Variants in USF3 observed in about 807,000 individuals in gnomAD.
USF3 encodes the protein upstream transcription factor family member 3, also known as basic helix-loop-helix domain-containing protein USF3.
A neutral mutation model predicts 157.5 loss-of-function variants in USF3; 29 were observed. That is an observed-to-expected ratio of 0.18 (90% CI 0.14 to 0.25). USF3 has a LOEUF of 0.25. USF3 is among the 10% of genes least tolerant of loss of function. The probability of loss-of-function intolerance (pLI) is 1.00; values close to 1 mark genes in which losing one functional copy is unlikely to be tolerated. For synonymous variants in USF3, 893 were observed against 941.4 expected (o/e 0.95, Z 0.94); for missense variants, 2,381 against 2,667.6 (o/e 0.89, Z 2.37).
chr3:113,665,769 T>C (rs1947555740), intron 5 of USF3, among the ~76,000 whole-genome samples: 1 of 152,146 alleles, frequency 6.6e-6, no homozygotes, highest in Non-Finnish European at 1.5e-5. Flanking sequence ...CAGAGATTGC[T>C]GTGAAGTGAG....
rs758941004 is a variant in USF3, at chr3:113,660,958, A to G, written c.724T>C (p.Ser242Pro). Residue 242 changes from serine to proline, a missense_variant, in exon 7 of 7, where the codon TCT becomes CCT. Around this residue, in one of 6 missense-constraint regions of USF3, gnomAD observed 1,435 missense variants for 1,550.9 expected, o/e 0.93. Coordinates refer to ENST00000316407, the MANE Select transcript of USF3 (RefSeq NM_001009899.4). Reference sequence around the variant, plus strand: ...CCAAGCACATTTGATTCGCTTTCAGAGGTGGGAAGCTCGAGAATACTCTGA... The same window carrying G: ...CCAAGCACATTTGATTCGCTTTCAGGGGTGGGAAGCTCGAGAATACTCTGA... ...SAQSILELPTSESESNVLGAT... is the reference protein window; with the variant it reads ...SAQSILELPTPESESNVLGAT... The G allele has an allele frequency of 6.2e-7, 1 of 1,614,172 alleles. No homozygotes were observed. Among genetic ancestry groups the G allele is most frequent in the South Asian group, 1.1e-5 (1 of 91,078 alleles).
rs1295891065 is a variant in USF3, at chr3:113,650,930, G to A, written c.*4014C>T. ...AGGTGCCATCTCTGGTACCGCAAAA[G>A]GTCTTACAATAAAAACAAAAATAAA... On this transcript the variant is annotated 3_prime_UTR_variant, in exon 7 of 7. Transcript: ENST00000316407. 1 of 151,814 alleles carries A rather than the reference G, an allele frequency of 6.6e-6. No homozygotes were observed. The highest frequency in any genetic ancestry group is 2.4e-5 in the African/African-American group (1 of 41,308). 9.4% of individuals were successfully genotyped at this position (151,814 alleles called of 1,614,324 possible).
chr3:113,665,524 C>A (rs1947550761), intron 5 of USF3, among the ~76,000 whole-genome samples: 1 of 152,180 alleles, frequency 6.6e-6, no homozygotes, highest in African/African-American at 2.4e-5. Context: ...CTATATACAT[C>A]CTTTTTAAAA....
rs547178997 is a variant in USF3, at chr3:113,655,692, C to T, written c.5990G>A (p.Arg1997His). 36 of 1,613,896 alleles carry T rather than the reference C, an allele frequency of 2.2e-5. 1 individual carries two copies. The highest frequency in any genetic ancestry group is 1.5e-4 in the South Asian group (14 of 91,040). The change falls in exon 7 of 7, where the codon CGT (arginine) becomes CAT (histidine). Residue 1997 changes from arginine (R) to histidine (H), a missense_variant. Around this residue, in one of 6 missense-constraint regions of USF3, gnomAD observed 770 missense variants for 824.2 expected, o/e 0.93. Transcript: ENST00000316407. Reference protein sequence around the residue: ...GSKIRQPERNRSGNQRQSTVF... With the variant: ...GSKIRQPERNHSGNQRQSTVF... ...AGTACTTTGCCTTTGGTTTCCAGAA[C>T]GATTCCTTTCAGGCTGACGAATTTT...
chr3:113,693,612 C>T (rs1279588191), intron 1 of USF3, among the ~76,000 whole-genome samples: 1 of 152,152 alleles, frequency 6.6e-6, no homozygotes, highest in Non-Finnish European at 1.5e-5. Context: ...CTTAAAACCA[C>T]TGTGAAAGAG....
intron 1 of USF3, among the ~76,000 whole-genome samples, chr3:113,684,325 G>T (rs1296264376): frequency 6.6e-6 from 1 of 151,884 alleles, no homozygotes; most frequent in Non-Finnish European, 1.5e-5. Flanking sequence ...TACATGTCTT[G>T]AGATAGTCTT....
At chr3:113,683,590 G>A (rs969936496) in intron 1 of USF3, among the ~76,000 whole-genome samples, 8 of 146,348 alleles carry the variant, frequency 5.5e-5, no homozygotes, top group South Asian at 2.2e-4. Context: ...TGCTTCAGCC[G>A]CCCAAGTAGC....
rs1362119016 is a variant in USF3 at position 113,658,195 on chromosome 3, T to C, written c.3487A>G (p.Lys1163Glu). The change falls in exon 7 of 7, where the codon AAG becomes GAG. Residue 1163 changes from lysine (K) to glutamate (E), a missense_variant. Coordinates refer to ENST00000316407, the MANE Select transcript of USF3 (RefSeq NM_001009899.4). ...TCTAACAATGATGCTTCAGAAGGCT[T>C]TGAAGCAACTTCCCTTATATCAGCC... ...LQADIREVAS[K>E]PSEASLLEGD... 1.9e-6 allele frequency: 3 copies of C among 1,614,150 alleles called. No individual in the cohort carries two copies. The highest frequency in any genetic ancestry group is 2.7e-5 in the African/African-American group (2 of 75,034).
chr3:113,693,600 A>G (rs2107967158), intron 1 of USF3, among the ~76,000 whole-genome samples: 2 of 152,358 alleles, frequency 1.3e-5, no homozygotes, highest in East Asian at 3.9e-4. Context: ...AAACCAATCC[A>G]ACTTAAAACC....
intron 3 of USF3, among the ~76,000 whole-genome samples, 175 bp from the exon 4 acceptor site, chr3:113,673,551 G>A (rs1295235855): frequency 6.6e-6 from 1 of 152,122 alleles, no homozygotes; most frequent in Non-Finnish European, 1.5e-5. Flanking sequence ...AAATCTAATG[G>A]CAGAGAACCT....
At chr3:113,661,521 T>G in intron 6 of USF3, 96 bp from the exon 7 acceptor site, 1 of 657,204 alleles carries the variant, frequency 1.5e-6, no homozygotes, top group Non-Finnish European at 2.4e-6. Context: ...TGAATTCTAA[T>G]TCTAGCATTC....
At chr3:113,674,988 T>C in intron 2 of USF3, 92 bp from the exon 3 acceptor site, 1 of 770,876 alleles carries the variant, frequency 1.3e-6, no homozygotes, top group South Asian at 1.4e-5. Context: ...AATATTAAAA[T>C]GCTAAAAAAT....
In USF3 at chr3:113,656,853, C is replaced by G; in HGVS notation, c.4829G>C (p.Arg1610Thr). ...IMHQQQDVGS[R>T]QQGSGVSSEH... is the part of the protein sequence containing the mutation. ...AGATGAAACCCCTGAACCTTGCTGT[C>G]TGCTTCCAACATCCTGCTGTTGGTG... Residue 1610 changes from arginine to threonine, a missense_variant, in exon 7 of 7, where the codon AGA becomes ACA. Arg to Thr is a moderately conservative substitution (Grantham distance 71, BLOSUM62 -1). Coordinates refer to ENST00000316407, the MANE Select transcript of USF3 (RefSeq NM_001009899.4). 9 of 1,614,214 alleles carry G rather than the reference C, an allele frequency of 5.6e-6. No homozygotes were observed. The highest frequency in any genetic ancestry group is 7.6e-6 in the Non-Finnish European group (9 of 1,180,032).
In USF3 at chr3:113,658,057, G is replaced by A. The variant is rs1947400340; in HGVS notation, c.3625C>T (p.Pro1209Ser). The change falls in exon 7 of 7, where the codon CCC (proline) becomes TCC (serine). Residue 1209 changes from proline to serine, a missense_variant. Pro to Ser is a moderately conservative substitution (Grantham distance 74). Coordinates refer to ENST00000316407, the MANE Select transcript of USF3 (RefSeq NM_001009899.4). ...AGAGAACAACTTGGTTTCTCAAGGG[G>A]CCTCTCCATAGTTGCTTCAATTGAA... ...QGSIEATMER[P>S]LEKPSCSLGI... The A allele has an allele frequency of 1.2e-6, 2 of 1,614,016 alleles. No individual in the cohort carries two copies. The highest frequency in any genetic ancestry group is 1.3e-5 in the African/African-American group (1 of 74,894).
chr3:113,683,864 A>G (rs568456882), intron 1 of USF3, among the ~76,000 whole-genome samples: 2 of 152,332 alleles, frequency 1.3e-5, no homozygotes, highest in East Asian at 1.9e-4. Flanking sequence ...TTTGTCTTTT[A>G]GTCTTCCTAT....
At position 113,651,088 on chromosome 3, in the gene USF3, G is replaced by A. The variant is rs951039376; in HGVS notation, c.*3856C>T. 1 of 152,186 alleles carries A rather than the reference G, an allele frequency of 6.6e-6. No homozygotes were observed. Among genetic ancestry groups the A allele is most frequent in the African/African-American group, 2.4e-5 (1 of 41,438 alleles). 9.4% of individuals were successfully genotyped at this position (152,186 alleles called of 1,614,324 possible). A position where few individuals can be genotyped will look rare whatever the true frequency, so the allele number is the denominator to read the frequency against. On this transcript the variant is annotated 3_prime_UTR_variant, in exon 7 of 7. Coordinates refer to ENST00000316407, the MANE Select transcript of USF3 (RefSeq NM_001009899.4). The stretch of plus-strand genomic sequence containing the variant: ...ATTGACACATTAAATGTTTACGCAT[G>A]AAGAGAATCTGGAATTTTACCCTTC...
chr3:113,671,656 A>G (rs181696420), intron 4 of USF3, among the ~76,000 whole-genome samples: 2 of 152,192 alleles, frequency 1.3e-5, no homozygotes, highest in Non-Finnish European at 2.9e-5. Flanking sequence ...ATGATCTTTC[A>G]GTAGCATGGG....
intron 2 of USF3, among the ~76,000 whole-genome samples, chr3:113,676,142 C>T (rs1271057153): frequency 6.6e-6 from 1 of 152,132 alleles, no homozygotes; most frequent in Non-Finnish European, 1.5e-5. Flanking sequence ...CCAAACTTTC[C>T]CACATTTTCC....
At chr3:113,663,483 A>G (rs1947518455) in intron 6 of USF3, among the ~76,000 whole-genome samples, 1 of 152,236 alleles carries the variant, frequency 6.6e-6, no homozygotes, top group East Asian at 1.9e-4. Context: ...ATATTTAACT[A>G]AAAGTAAACA....
Sources: allele counts gnomAD v4.1 joint callset (sites outside exome capture counted in the v4.1 genomes callset), GRCh38; gene constraint gnomAD v4.1.1; regional missense constraint gnomAD v4.1.1; transcripts MANE v1.5; gene names NCBI Gene and HGNC (gene_info 2026-07-23, HGNC 2026-07-21).